The following RRP12 variants were observed in gnomAD, a reference collection of about 807,000 sequenced individuals.
RRP12 encodes the protein RRP12-like protein.
Under a neutral mutation model 157.3 loss-of-function variants are expected in RRP12, and 78 were observed. That is an observed-to-expected ratio of 0.50 (90% CI 0.41 to 0.60). The LOEUF (loss-of-function observed/expected upper bound fraction) is 0.60, where lower values mean the gene tolerates loss of function less well. Ranked by LOEUF, RRP12 falls within the 20% of genes least tolerant of loss-of-function variation. RRP12 has a pLI of 0.00. For synonymous variants in RRP12, 726 were observed against 670.9 expected (o/e 1.08, Z -1.27); for missense variants, 1,521 against 1,679.9 (o/e 0.91, Z 1.65).
At chr10:97,400,117 G>A (rs1845097294) in intron 2 of RRP12, among the ~76,000 whole-genome samples, 188 bp downstream of exon 2, 1 of 152,206 alleles carries the variant, frequency 6.6e-6, no homozygotes, top group African/African-American at 2.4e-5. Context: ...TACTTAAGCA[G>A]AGGAGATGTT....
chr10:97,395,416 G>A (rs1486545169), intron 3 of RRP12, among the ~76,000 whole-genome samples: 1 of 151,880 alleles, frequency 6.6e-6, no homozygotes, highest in East Asian at 1.9e-4. Context: ...GCCAGGTGTG[G>A]TGGCGCACGC....
Position 97,373,691 on chromosome 10 carries a change from G to T in RRP12, c.1910C>A (p.Ala637Asp). ...PGFCTRPTDV[A>D]ISFKGLARTL... ...CCGTGCCAGCCCTTTGAAGGAGATG[G>T]CCACATCTGTAGGCCTTGTGCAGAA... The change falls in exon 17 of 34, where the codon GCC becomes GAC. Residue 637 changes from alanine (A) to aspartate (D), a missense_variant. Ala to Asp is a moderately radical substitution (Grantham distance 126, BLOSUM62 -2). Transcript: ENST00000370992. 6.2e-7 allele frequency: 1 copy of T among 1,613,948 alleles called. No homozygotes were observed. Among genetic ancestry groups the T allele is most frequent in the South Asian group, 1.1e-5 (1 of 91,068 alleles).
chr10:97,361,930 A>T (rs1371264989), intron 30 of RRP12, among the ~76,000 whole-genome samples: 1 of 152,028 alleles, frequency 6.6e-6, no homozygotes, highest in Admixed American at 6.6e-5. Flanking sequence ...AACATGATGA[A>T]ACCCCATCTC....
In RRP12 at chr10:97,366,170, C is replaced by T. The variant is rs1402050276; in HGVS notation, c.3455G>A (p.Gly1152Asp). The T allele has an allele frequency of 6.2e-7, 1 of 1,609,954 alleles. No homozygotes were observed. The highest frequency in any genetic ancestry group is 1.7e-5 in the Admixed American group (1 of 59,940). ...TGCCTCCTCCCTTATGATCAGCCGG[C>T]CATCGGCGCTCACCTTGAAGCCGTG... Reference protein sequence around the residue: ...KDHGFKVSADGRLIIREEADG... With the variant: ...KDHGFKVSADDRLIIREEADG... Residue 1152 changes from glycine to aspartate, a missense_variant, in exon 29 of 34, where the codon GGC becomes GAC. Coordinates refer to ENST00000370992, the MANE Select transcript of RRP12 (RefSeq NM_015179.4).
intron 12 of RRP12, 56 bp from the exon 13 acceptor site, chr10:97,380,969 CAG>C: frequency 7.1e-7 from 1 of 1,410,144 alleles, no homozygotes; most frequent in Non-Finnish European, 1.0e-6. Flanking sequence ...TGCCCCCCAC[CAG>C]AGAAAGTCAA....
rs994552720 is a variant in RRP12, at chr10:97,366,169, G to A, written c.3456C>T (p.Gly1152=). The change falls in exon 29 of 34, where the codon GGC becomes GGT. Residue 1152 remains glycine, a synonymous_variant. Coordinates refer to ENST00000370992, the MANE Select transcript of RRP12 (RefSeq NM_015179.4). ...KDHGFKVSAD[G]RLIIREEADG... ...CTGCCTCCTCCCTTATGATCAGCCG[G>A]CCATCGGCGCTCACCTTGAAGCCGT... 1.2e-6 allele frequency: 2 copies of A among 1,609,738 alleles called. No homozygotes were observed. The highest frequency in any genetic ancestry group is 8.5e-7 in the Non-Finnish European group (1 of 1,179,944).
At chr10:97,365,553 G>A (rs769130874) in intron 29 of RRP12, among the ~76,000 whole-genome samples, 8 of 152,068 alleles carry the variant, frequency 5.3e-5, no homozygotes, top group Non-Finnish European at 1.0e-4. Flanking sequence ...GATTACAGGC[G>A]TGAGCCACCA....
chr10:97,365,272 G>GTTTT (rs34050240), intron 29 of RRP12, among the ~76,000 whole-genome samples: 1 of 118,466 alleles, frequency 8.4e-6, no homozygotes. Context: ...AGACCTAGGT[G>GTTTT]TTTTTTTTTT....
intron 33 of RRP12, among the ~76,000 whole-genome samples, chr10:97,358,307 T>G (rs555943937): frequency 6.6e-6 from 1 of 151,786 alleles, no homozygotes; most frequent in African/African-American, 2.4e-5. Context: ...CACTCCAGCC[T>G]GGCGACAGAG....
At position 97,388,334 on chromosome 10, in the gene RRP12, T is replaced by C; in HGVS notation, c.935A>G (p.Lys312Arg). Residue 312 changes from lysine (K) to arginine (R), a missense_variant, in exon 8 of 34, where the codon AAG becomes AGG. Physicochemically the swap from Lys to Arg is conservative, Grantham distance 26 (BLOSUM62 2). Coordinates refer to ENST00000370992, the MANE Select transcript of RRP12 (RefSeq NM_015179.4). ...TTCCGGGAAGCAGGGCAGCAGGTCC[T>C]TCAGCAGCGTCAGCATGTGCAGCGT... ...TTTLHMLTLL[K>R]DLLPCFPEGL... is the part of the protein sequence containing the mutation. 2 of 1,613,976 alleles carry C rather than the reference T, an allele frequency of 1.2e-6. No homozygotes were observed. The highest frequency in any genetic ancestry group is 1.7e-6 in the Non-Finnish European group (2 of 1,180,028).
chr10:97,379,370 C>A lies in RRP12; in HGVS notation c.1721G>T (p.Arg574Leu). Residue 574 changes from arginine (R) to leucine (L), a missense_variant, in exon 15 of 34, where the codon CGA (arginine) becomes CTA (leucine). Arg to Leu is a moderately radical substitution (Grantham distance 102). Transcript: ENST00000370992. ...FPRSWLLPVIRDHVQETRLGF... is the reference protein window; with the variant it reads ...FPRSWLLPVILDHVQETRLGF... ...AAGTCGCGTTTCCTGAACATGGTCTCGGATGACAGGCAGCAGCCAGCTCCG... is the reference window on the plus strand; with the variant it reads ...AAGTCGCGTTTCCTGAACATGGTCTAGGATGACAGGCAGCAGCCAGCTCCG... The A allele has an allele frequency of 6.2e-7, 1 of 1,614,068 alleles. No individual in the cohort carries two copies.
intron 29 of RRP12, among the ~76,000 whole-genome samples, chr10:97,364,560 T>A (rs974740213): frequency 1.2e-4 from 18 of 152,044 alleles, no homozygotes; most frequent in Non-Finnish European, 2.1e-4. Context: ...CTACTAAAAA[T>A]ACAAAAATTA....
chr10:97,365,103 A>T lies in RRP12; in HGVS notation c.3517+1005T>A, dbSNP rs1843937559. Among the ~76,000 whole-genome samples, 3 of 152,134 alleles carry T rather than the reference A, an allele frequency of 2.0e-5. No individual in the cohort carries two copies. In the South Asian group the frequency reaches 6.2e-4, roughly 32 times the overall value. On this transcript the variant is annotated intron_variant, in intron 29 of 33. Coordinates refer to ENST00000370992, the MANE Select transcript of RRP12 (RefSeq NM_015179.4). ...ATGATATCCACTCTGAAGCAAGGAA[A>T]CGGAGCTAAGGAGAGGCTGACCGAG...
chr10:97,363,706 T>C, intron 30 of RRP12, 148 bp downstream of exon 30: 3 of 759,482 alleles, frequency 4.0e-6, no homozygotes, highest in Non-Finnish European at 7.0e-6. Flanking sequence ...CACAACCTTC[T>C]GGACCGCCTG....
chr10:97,367,343 C>G (rs1490866309), intron 25 of RRP12: 1 of 593,376 alleles, frequency 1.7e-6, no homozygotes, highest in East Asian at 2.8e-5. Flanking sequence ...GGACACAGGC[C>G]TGAGCACCCT....
chr10:97,365,695 A>G (rs1299484473), intron 29 of RRP12, among the ~76,000 whole-genome samples: 1 of 151,522 alleles, frequency 6.6e-6, no homozygotes, highest in Admixed American at 6.6e-5. Flanking sequence ...GGGATTGGGA[A>G]GTTGGGAGGG....
At chr10:97,366,973 T>TC in intron 26 of RRP12, 64 bp from the exon 27 acceptor site, 1 of 1,609,898 alleles carries the variant, frequency 6.2e-7, no homozygotes, top group South Asian at 1.1e-5. Context: ...AGATGTAGTG[T>TC]CCCTGGTAGG....
At chr10:97,374,516 T>TA (rs1386013277) in intron 15 of RRP12, among the ~76,000 whole-genome samples, 1 of 149,196 alleles carries the variant, frequency 6.7e-6, no homozygotes. Flanking sequence ...CTCACACCTG[T>TA]AATCCCAGCA....
rs762139875 is a variant in RRP12 at position 97,373,718 on chromosome 10, C to T, written c.1883G>A (p.Gly628Glu). ...LQWQMWTLLP[G>E]FCTRPTDVAI... ...CACATCTGTAGGCCTTGTGCAGAAC[C>T]CAGGCAGGAGTGTCCACATCTGGAG... Residue 628 changes from glycine to glutamate, a missense_variant, in exon 17 of 34, where the codon GGG (glycine) becomes GAG (glutamate). Physicochemically the swap from Gly to Glu is moderately conservative, Grantham distance 98. Transcript: ENST00000370992. The T allele has an allele frequency of 1.1e-5, 17 of 1,613,148 alleles. No individual in the cohort carries two copies. The African/African-American group carries it at 1.7e-4, about 16-fold the overall frequency.
Sources: allele counts gnomAD v4.1 joint callset (sites outside exome capture counted in the v4.1 genomes callset), GRCh38; gene constraint gnomAD v4.1.1; transcripts MANE v1.5; gene names NCBI Gene and HGNC (gene_info 2026-07-23, HGNC 2026-07-21).